Variants in DYNC1I2 observed in about 807,000 individuals in gnomAD.
The protein encoded by DYNC1I2 is dynein cytoplasmic 1 intermediate chain 2.
Under a neutral mutation model 88.6 loss-of-function variants are expected in DYNC1I2, and 53 were observed. The ratio of observed to expected loss-of-function variants is 0.60; its 90% confidence interval spans 0.48 to 0.75. The LOEUF (loss-of-function observed/expected upper bound fraction) is 0.75. Ranked by LOEUF, DYNC1I2 falls within the 30% of genes least tolerant of loss-of-function variation. The probability of loss-of-function intolerance (pLI) is 0.00; values close to 1 mark genes in which losing one functional copy is unlikely to be tolerated. For synonymous variants in DYNC1I2, 198 were observed against 254.6 expected (o/e 0.78, Z 2.12); for missense variants, 458 against 766.6 (o/e 0.60, Z 4.75).
intron 16 of DYNC1I2, among the ~76,000 whole-genome samples, chr2:171,745,513 A>G (rs1033201325): frequency 6.6e-6 from 1 of 152,244 alleles, no homozygotes; most frequent in African/African-American, 2.4e-5. Flanking sequence ...AAAGACATTA[A>G]AACAACAAAA....
intron 3 of DYNC1I2, among the ~76,000 whole-genome samples, chr2:171,698,510 G>A (rs988836384): frequency 1.6e-4 from 24 of 152,036 alleles, no homozygotes; most frequent in Non-Finnish European, 2.5e-4. Flanking sequence ...TCAACCACCC[G>A]GGTAGCTGGG....
chr2:171,692,034 T>C (rs915162602), intron 2 of DYNC1I2, among the ~76,000 whole-genome samples: 2 of 152,280 alleles, frequency 1.3e-5, no homozygotes, highest in Middle Eastern at 3.4e-3. Flanking sequence ...CAAAATTCAC[T>C]CCAGACAGTG....
At chr2:171,691,673 G>A (rs1685415153) in intron 2 of DYNC1I2, among the ~76,000 whole-genome samples, 1 of 152,192 alleles carries the variant, frequency 6.6e-6, no homozygotes, top group African/African-American at 2.4e-5. Context: ...GGTTGGCAGA[G>A]CTATTCCAAA....
At position 171,744,032 on chromosome 2, in the gene DYNC1I2, C is replaced by A. The variant is rs774732963; in HGVS notation, c.1537-17C>A. 1 of 1,601,934 alleles carries A rather than the reference C, an allele frequency of 6.2e-7. No individual in the cohort carries two copies. Among genetic ancestry groups the A allele is most frequent in the Non-Finnish European group, 8.5e-7 (1 of 1,176,094 alleles). On this transcript the variant is annotated splice_polypyrimidine_tract_variant and intron_variant, in intron 15 of 17. Coordinates refer to ENST00000397119, the MANE Select transcript of DYNC1I2 (RefSeq NM_001378.3). ...GTCATATATGGACTGTGCTAAGAAT[C>A]AACTTTTCTCTTTCAGAATAACAAG...
rs1351943232 is a variant in DYNC1I2, at chr2:171,748,914, T to C, written c.*1025T>C. Among the ~76,000 whole-genome samples the C allele has an allele frequency of 6.6e-6, 1 of 152,204 alleles. No homozygotes were observed. The highest frequency in any genetic ancestry group is 2.4e-5 in the African/African-American group (1 of 41,458). ...GGTGACAAATATCTAAGAATCAGTA[T>C]TGAAATCAGTGAATTTCAGGAATAG... On this transcript the variant is annotated 3_prime_UTR_variant, in exon 18 of 18. Transcript: ENST00000397119.
In DYNC1I2 at chr2:171,726,902, G is replaced by A. The variant is rs1309043406; in HGVS notation, c.982G>A (p.Val328Met). The A allele has an allele frequency of 6.2e-7, 1 of 1,609,006 alleles. No individual in the cohort carries two copies. The highest frequency in any genetic ancestry group is 2.2e-5 in the East Asian group (1 of 44,728). ...MKYKKTTPEYVFHCQSAVMSA... is the reference protein window; with the variant it reads ...MKYKKTTPEYMFHCQSAVMSA... ...ATACAAAAAAACTACCCCAGAGTAT[G>A]TGTTTCACTGCCAGGTATGGTGGTC... The change falls in exon 11 of 18, where the codon GTG becomes ATG. Residue 328 changes from valine to methionine, a missense_variant. By Grantham distance (21) the Val-to-Met change is conservative. Coordinates refer to ENST00000397119, the MANE Select transcript of DYNC1I2 (RefSeq NM_001378.3).
chr2:171,745,983 AG>A, intron 17 of DYNC1I2, 56 bp downstream of exon 17: 1 of 1,600,174 alleles, frequency 6.2e-7, no homozygotes, highest in East Asian at 2.2e-5. Flanking sequence ...ATTGTAGTAA[AG>A]GCATCTTTGT....
At chr2:171,730,353 T>G (rs1688525450) in intron 15 of DYNC1I2, among the ~76,000 whole-genome samples, 1 of 152,240 alleles carries the variant, frequency 6.6e-6, no homozygotes, top group African/African-American at 2.4e-5. Context: ...AGGAAAGCAT[T>G]GTGTAAAAGC....
intron 1 of DYNC1I2, chr2:171,688,298 TC>T (rs1685123211): frequency 6.6e-6 from 1 of 152,170 alleles, no homozygotes; most frequent in Admixed American, 6.5e-5. Context: ...CTCTAGAGAC[TC>T]TCTTCTCTTG....
At chr2:171,699,422 A>G (rs1263813443) in intron 3 of DYNC1I2, among the ~76,000 whole-genome samples, 1 of 152,178 alleles carries the variant, frequency 6.6e-6, no homozygotes, top group African/African-American at 2.4e-5. Context: ...ATTGGTCATC[A>G]TGGTTATGGT....
chr2:171,704,652 AG>A (rs1275371251), intron 3 of DYNC1I2, among the ~76,000 whole-genome samples: 2 of 152,148 alleles, frequency 1.3e-5, no homozygotes, highest in Non-Finnish European at 2.9e-5. Flanking sequence ...GAATTCCAGA[AG>A]TGAGTCTTTT....
chr2:171,707,863 G>A (rs1193801513), intron 5 of DYNC1I2, among the ~76,000 whole-genome samples: 1 of 152,092 alleles, frequency 6.6e-6, no homozygotes, highest in Non-Finnish European at 1.5e-5. Context: ...TCAAGAGTAA[G>A]GAATAACTGC....
chr2:171,715,541 C>A, intron 7 of DYNC1I2, 98 bp downstream of exon 7: 2 of 854,374 alleles, frequency 2.3e-6, no homozygotes, highest in Non-Finnish European at 3.5e-6. Context: ...TTCTTTTTTG[C>A]TTTTGTGTTT....
At chr2:171,737,261 T>C (rs1466584992) in intron 15 of DYNC1I2, among the ~76,000 whole-genome samples, 1 of 152,226 alleles carries the variant, frequency 6.6e-6, no homozygotes, top group Non-Finnish European at 1.5e-5. Context: ...ATACCAATCA[T>C]GCTAGATTTA....
At chr2:171,705,978 A>T (rs1574535187) in intron 3 of DYNC1I2, among the ~76,000 whole-genome samples, 1 of 151,986 alleles carries the variant, frequency 6.6e-6, no homozygotes, top group South Asian at 2.1e-4. Flanking sequence ...AAAAATAAGG[A>T]TGATCAGTTT....
intron 6 of DYNC1I2, among the ~76,000 whole-genome samples, chr2:171,714,820 A>G (rs990922588): frequency 2.6e-5 from 4 of 152,186 alleles, no homozygotes; most frequent in African/African-American, 9.6e-5. Context: ...GTCCAAATTG[A>G]TAGTGTAATT....
At chr2:171,692,958 C>A in intron 3 of DYNC1I2, 64 bp downstream of exon 3, 1 of 1,127,948 alleles carries the variant, frequency 8.9e-7, no homozygotes, top group Non-Finnish European at 1.3e-6. Flanking sequence ...TCAGACATAG[C>A]TGAGTGGATT....
Position 171,747,766 on chromosome 2 carries a change from C to A in DYNC1I2, c.1804-10C>A, listed in dbSNP as rs1442038123. On this transcript the variant is annotated splice_polypyrimidine_tract_variant and intron_variant, in intron 17 of 17. Transcript: ENST00000397119. Reference sequence around the variant, plus strand: ...TCATTGTATATAAAACATTGTCTTTCTTTTAACAGCAGATTGCTGTTCCCC... The same window carrying A: ...TCATTGTATATAAAACATTGTCTTTATTTTAACAGCAGATTGCTGTTCCCC... 1.3e-6 allele frequency: 2 copies of A among 1,583,976 alleles called. No homozygotes were observed. Among genetic ancestry groups the A allele is most frequent in the South Asian group, 2.3e-5 (2 of 88,792 alleles).
intron 3 of DYNC1I2, among the ~76,000 whole-genome samples, chr2:171,699,662 C>T (rs111282224): frequency 0.11 from 15,949 of 144,874 alleles, 1,116 homozygotes; most frequent in Non-Finnish European, 0.15. Flanking sequence ...AGTTTAGAGA[C>T]AGGGTCTCAG....
Sources: gnomAD v4.1 joint callset for allele counts (sites outside exome capture counted in the v4.1 genomes callset) on GRCh38, gnomAD v4.1.1 for gene constraint, MANE v1.5 for transcripts, NCBI Gene and HGNC (gene_info 2026-07-23, HGNC 2026-07-21) for gene names.